The following SLCO1A2 variants were observed in gnomAD, a reference collection of about 807,000 sequenced individuals.
SLCO1A2 encodes OATP-1.
A neutral mutation model predicts 69.0 loss-of-function variants in SLCO1A2; 67 were observed. The ratio of observed to expected loss-of-function variants is 0.97; its 90% confidence interval spans 0.80 to 1.19. The LOEUF is 1.19. Ranked by LOEUF, SLCO1A2 falls within the 50% of genes most tolerant of loss-of-function variation. The pLI is 0.00. For missense variants in SLCO1A2, 787 were observed against 793.7 expected (o/e 0.99, Z 0.10); for synonymous variants, 260 against 265.9 (o/e 0.98, Z 0.22).
intron 12 of SLCO1A2, among the ~76,000 whole-genome samples, chr12:21,291,279 A>C (rs936485975): frequency 6.6e-6 from 1 of 152,230 alleles, no homozygotes; most frequent in Non-Finnish European, 1.5e-5. Flanking sequence ...ATTGTTGTGA[A>C]TATAAAAACA....
At chr12:21,275,941 C>CA (rs200829780) in intron 12 of SLCO1A2, among the ~76,000 whole-genome samples, 2,033 of 140,188 alleles carry the variant, frequency 0.015, 41 homozygotes, top group African/African-American at 0.047. Context: ...CACTCCATCT[C>CA]AAAAAAAAAA....
intron 5 of SLCO1A2, among the ~76,000 whole-genome samples, chr12:21,305,141 T>G (rs1417738269): frequency 6.6e-6 from 1 of 152,250 alleles, no homozygotes. Flanking sequence ...TAGAGCATGT[T>G]GTATACTGTA....
intron 12 of SLCO1A2, among the ~76,000 whole-genome samples, chr12:21,279,091 C>T (rs937594498): frequency 3.6e-4 from 54 of 151,616 alleles, no homozygotes; most frequent in African/African-American, 1.3e-3. Flanking sequence ...CTCTTAATAG[C>T]AGAATTTATC....
chr12:21,377,902 A>G (rs979003525), intron 1 of SLCO1A2, among the ~76,000 whole-genome samples: 12 of 152,164 alleles, frequency 7.9e-5, no homozygotes, highest in African/African-American at 2.9e-4. Flanking sequence ...TTCTTTTTAT[A>G]TATTAAAAAT....
At chr12:21,279,515 G>T (rs1176460423) in intron 12 of SLCO1A2, among the ~76,000 whole-genome samples, 1 of 152,278 alleles carries the variant, frequency 6.6e-6, no homozygotes, top group South Asian at 2.1e-4. Flanking sequence ...CAGACTTTTC[G>T]GTGGAAACCT....
At chr12:21,364,081 AG>A (rs1419548599) in intron 2 of SLCO1A2, among the ~76,000 whole-genome samples, 1 of 152,184 alleles carries the variant, frequency 6.6e-6, no homozygotes, top group Non-Finnish European at 1.5e-5. Context: ...AAAGCCTGGC[AG>A]AAACACAACA....
intron 1 of SLCO1A2, among the ~76,000 whole-genome samples, chr12:21,389,148 A>T (rs1357287967): frequency 6.6e-6 from 1 of 152,184 alleles, no homozygotes; most frequent in African/African-American, 2.4e-5. Flanking sequence ...GGTCACTGTG[A>T]CCAGTAATCT....
chr12:21,325,430 C>T (rs1314165751), intron 2 of SLCO1A2, among the ~76,000 whole-genome samples: 1 of 152,174 alleles, frequency 6.6e-6, no homozygotes, highest in Admixed American at 6.5e-5. Flanking sequence ...TACCCCCAGA[C>T]CATTTTACTT....
At chr12:21,317,308 A>G (rs74732083) in intron 3 of SLCO1A2, among the ~76,000 whole-genome samples, 2,822 of 152,200 alleles carry the variant, frequency 0.019, 34 homozygotes, top group Non-Finnish European at 0.031. Flanking sequence ...TTCCAACTTT[A>G]TCTTGGCTAG....
At chr12:21,406,186 C>CTG (rs751175691) in intron 1 of SLCO1A2, among the ~76,000 whole-genome samples, 7 of 151,882 alleles carry the variant, frequency 4.6e-5, no homozygotes, top group Admixed American at 2.6e-4. Context: ...GTCTGTGTGT[C>CTG]TGTGTGTGTG....
At chr12:21,363,688 G>T (rs1030750659) in intron 2 of SLCO1A2, among the ~76,000 whole-genome samples, 4 of 152,098 alleles carry the variant, frequency 2.6e-5, no homozygotes, top group African/African-American at 9.7e-5. Flanking sequence ...GTGTCAAACA[G>T]AAGCAATAAA....
upstream of SLCO1A2, among the ~76,000 whole-genome samples, chr12:21,398,678 T>G (rs1941569340): frequency 6.6e-6 from 1 of 151,652 alleles, no homozygotes; most frequent in Admixed American, 6.6e-5. Context: ...TTATCCACCA[T>G]GATCAAGTGG....
At chr12:21,301,842 A>G (rs1948748622) in intron 6 of SLCO1A2, among the ~76,000 whole-genome samples, 1 of 151,882 alleles carries the variant, frequency 6.6e-6, no homozygotes, top group African/African-American at 2.4e-5. Flanking sequence ...TTGAATTCTT[A>G]TCCATTAAAA....
chr12:21,411,811 G>A (rs1941911424), intron 1 of SLCO1A2, among the ~76,000 whole-genome samples: 1 of 151,816 alleles, frequency 6.6e-6, no homozygotes, highest in Non-Finnish European at 1.5e-5. Context: ...AGCCACCCAA[G>A]TAGCTGGGAC....
intron 1 of SLCO1A2, among the ~76,000 whole-genome samples, chr12:21,407,299 A>G (rs867627955): frequency 1.3e-5 from 2 of 152,192 alleles, no homozygotes; most frequent in South Asian, 2.1e-4. Flanking sequence ...AGCTTGGCAT[A>G]TTTGATAAGA....
intron 1 of SLCO1A2, among the ~76,000 whole-genome samples, chr12:21,394,555 GCACACACA>G (rs35166807): frequency 6.5e-5 from 9 of 138,994 alleles, no homozygotes; most frequent in Non-Finnish European, 1.1e-4. Context: ...AATAACACAC[GCACACACA>G]CACACACACA....
At chr12:21,395,528 A>T (rs1277515791), upstream of SLCO1A2, 1 of 152,692 alleles carries the variant, frequency 6.5e-6, no homozygotes, top group Non-Finnish European at 1.5e-5. Context: ...ACCACAGCTC[A>T]AGAAGGCCTG....
At chr12:21,406,908 C>T (rs1305486264) in intron 1 of SLCO1A2, among the ~76,000 whole-genome samples, 1 of 152,054 alleles carries the variant, frequency 6.6e-6, no homozygotes, top group Non-Finnish European at 1.5e-5. Flanking sequence ...AGAACCAAAC[C>T]ACAGAAAACA....
At chr12:21,277,976 A>G (rs1341372486) in intron 12 of SLCO1A2, among the ~76,000 whole-genome samples, 1 of 152,020 alleles carries the variant, frequency 6.6e-6, no homozygotes, top group Non-Finnish European at 1.5e-5. Flanking sequence ...CTTGGATGGC[A>G]TTTCTGAACC....
Sources: allele counts gnomAD v4.1 joint callset (sites outside exome capture counted in the v4.1 genomes callset), GRCh38; gene constraint gnomAD v4.1.1; transcripts MANE v1.5; gene names NCBI Gene and HGNC (gene_info 2026-07-23, HGNC 2026-07-21).